CSMD3: variants seen among roughly 807,000 people sequenced by gnomAD.
CSMD3 encodes CUB and sushi domain-containing protein 3.
Under a neutral mutation model 435.2 loss-of-function variants are expected in CSMD3, and 177 were observed. That is an observed-to-expected ratio of 0.41 (90% CI 0.36 to 0.46). The LOEUF (loss-of-function observed/expected upper bound fraction) is 0.46. Among genes scored for constraint, CSMD3 ranks in the 20% least tolerant of loss-of-function variants. CSMD3 has a pLI of 0.34. For synonymous variants in CSMD3, 1,656 were observed against 1,520.5 expected, an observed-to-expected ratio of 1.09 and a Z score of -2.07; for missense variants, 4,265 against 4,504.6, an observed-to-expected ratio of 0.95 and a Z score of 1.52.
intron 9 of CSMD3, among the ~76,000 whole-genome samples, chr8:112,937,522 T>C (rs2083320290): frequency 6.6e-6 from 1 of 151,942 alleles, no homozygotes; most frequent in Non-Finnish European, 1.5e-5. Flanking sequence ...GGCTAACTTT[T>C]GTATTTTTAG....
At chr8:113,065,709 A>G (rs943068971) in intron 5 of CSMD3, among the ~76,000 whole-genome samples, 3 of 152,098 alleles carry the variant, frequency 2.0e-5, no homozygotes, top group Admixed American at 6.6e-5. Flanking sequence ...ATGTTTTAAA[A>G]AATTATCTGG....
At chr8:112,607,159 T>C (rs1036161711) in intron 22 of CSMD3, among the ~76,000 whole-genome samples, 2 of 151,304 alleles carry the variant, frequency 1.3e-5, no homozygotes, top group African/African-American at 4.8e-5. Context: ...AAAGAGAGTC[T>C]CAAATAAATA....
intron 42 of CSMD3, among the ~76,000 whole-genome samples, chr8:112,341,246 TC>T (rs1825077834): frequency 6.6e-6 from 1 of 152,054 alleles, no homozygotes; most frequent in Non-Finnish European, 1.5e-5. Context: ...ACTAATTCAA[TC>T]CAGTTTCATG....
At chr8:112,891,079 T>G (rs920270669) in intron 10 of CSMD3, among the ~76,000 whole-genome samples, 1 of 151,674 alleles carries the variant, frequency 6.6e-6, no homozygotes. Flanking sequence ...ATTATTCTCA[T>G]TTTTACATCA....
At chr8:113,092,776 G>T (rs2090046376) in intron 5 of CSMD3, among the ~76,000 whole-genome samples, 1 of 152,000 alleles carries the variant, frequency 6.6e-6, no homozygotes, top group South Asian at 2.1e-4. Context: ...TTTGATACTA[G>T]GTGGTGGTGG....
chr8:112,599,246 C>G (rs1832076464), intron 22 of CSMD3, among the ~76,000 whole-genome samples: 1 of 150,878 alleles, frequency 6.6e-6, no homozygotes, highest in African/African-American at 2.4e-5. Flanking sequence ...GACATTTATG[C>G]AGCCAAAAAA....
chr8:113,175,436 T>C (rs1037428251), intron 3 of CSMD3, among the ~76,000 whole-genome samples: 1 of 151,880 alleles, frequency 6.6e-6, no homozygotes, highest in African/African-American at 2.4e-5. Flanking sequence ...AATAGACAAT[T>C]TTCTTAATAA....
intron 13 of CSMD3, among the ~76,000 whole-genome samples, chr8:112,748,813 G>A (rs930729550): frequency 1.3e-5 from 2 of 152,068 alleles, no homozygotes; most frequent in African/African-American, 4.8e-5. Flanking sequence ...CTGTCCATGT[G>A]TATTTATATT....
At chr8:112,766,521 A>G (rs1181904398) in intron 13 of CSMD3, among the ~76,000 whole-genome samples, 1 of 151,906 alleles carries the variant, frequency 6.6e-6, no homozygotes, top group Admixed American at 6.6e-5. Context: ...TGCTATAGAT[A>G]AAGATGTCTC....
intron 45 of CSMD3, among the ~76,000 whole-genome samples, chr8:112,326,825 C>A (rs1042919199): frequency 6.6e-6 from 1 of 152,056 alleles, no homozygotes; most frequent in African/African-American, 2.4e-5. Context: ...AACCAGCTAG[C>A]CACCTGCAGA....
intron 29 of CSMD3, among the ~76,000 whole-genome samples, chr8:112,505,304 G>A (rs1476085391): frequency 6.6e-6 from 1 of 152,106 alleles, no homozygotes; most frequent in Non-Finnish European, 1.5e-5. Context: ...TCTGAGGCCT[G>A]TATTTGGTAA....
At chr8:112,728,754 T>G (rs895201323) in intron 13 of CSMD3, among the ~76,000 whole-genome samples, 7 of 152,036 alleles carry the variant, frequency 4.6e-5, no homozygotes, top group African/African-American at 1.4e-4. Flanking sequence ...ATTAATAAAT[T>G]TGCATGCCAT....
intron 30 of CSMD3, among the ~76,000 whole-genome samples, chr8:112,501,816 A>G (rs866339209): frequency 3.9e-5 from 6 of 152,208 alleles, no homozygotes; most frequent in Non-Finnish European, 8.8e-5. Context: ...AGAAAAATTT[A>G]TATATTAACT....
intron 10 of CSMD3, among the ~76,000 whole-genome samples, chr8:112,889,481 G>T (rs1051878580): frequency 1.3e-5 from 2 of 151,624 alleles, no homozygotes; most frequent in Non-Finnish European, 3.0e-5. Context: ...ACACAGACCA[G>T]CCTAGCATTA....
At chr8:112,805,949 C>G (rs990306759) in intron 12 of CSMD3, among the ~76,000 whole-genome samples, 4 of 152,128 alleles carry the variant, frequency 2.6e-5, no homozygotes, top group African/African-American at 9.7e-5. Flanking sequence ...AAAACTGACA[C>G]TTCAGCTTTG....
chr8:112,410,698 A>ATG (rs1262849258), intron 32 of CSMD3, among the ~76,000 whole-genome samples: 1 of 134,586 alleles, frequency 7.4e-6, no homozygotes, highest in Non-Finnish European at 1.6e-5. Flanking sequence ...GTATATATAT[A>ATG]TGTGTATATA....
intron 1 of CSMD3, among the ~76,000 whole-genome samples, chr8:113,357,822 C>T (rs561020206): frequency 1.5e-4 from 23 of 152,048 alleles, no homozygotes; most frequent in Non-Finnish European, 2.6e-4. Flanking sequence ...CCTTTCCTCT[C>T]TGTCTCCTGC....
chr8:113,006,332 AAAG>A (rs1241321952), intron 6 of CSMD3, among the ~76,000 whole-genome samples: 2 of 152,070 alleles, frequency 1.3e-5, no homozygotes, highest in African/African-American at 4.8e-5. Flanking sequence ...CAAGAGTTTA[AAAG>A]AAGAACAGAG....
At chr8:112,330,729 C>T (rs946509643) in intron 45 of CSMD3, among the ~76,000 whole-genome samples, 1 of 151,960 alleles carries the variant, frequency 6.6e-6, no homozygotes, top group African/African-American at 2.4e-5. Flanking sequence ...TGAGATGACC[C>T]ATCACATTGC....
Sources: allele counts gnomAD v4.1 joint callset (sites outside exome capture counted in the v4.1 genomes callset), GRCh38; gene constraint gnomAD v4.1.1; transcripts MANE v1.5; gene names NCBI Gene and HGNC (gene_info 2026-07-23, HGNC 2026-07-21).